UBE2U: variants seen among roughly 807,000 people sequenced by gnomAD.
UBE2U encodes ubiquitin conjugating enzyme E2 U.
In UBE2U, 39 loss-of-function variants were observed where a neutral mutation model predicts 41.2. The observed-to-expected ratio is 0.95, with a 90% CI of 0.73 to 1.24. The LOEUF (loss-of-function observed/expected upper bound fraction) is 1.24. Ranked by LOEUF, UBE2U falls within the 50% of genes most tolerant of loss-of-function variation. UBE2U has a pLI of 0.00. For synonymous variants in UBE2U, 107 were observed against 117.8 expected (o/e 0.91, Z 0.60); for missense variants, 336 against 363.1 (o/e 0.93, Z 0.61).
At chr1:64,250,873 T>G (rs1048468402) in intron 8 of UBE2U, among the ~76,000 whole-genome samples, 1 of 132,536 alleles carries the variant, frequency 7.5e-6, no homozygotes, top group Non-Finnish European at 1.5e-5. Flanking sequence ...TGAGAACACA[T>G]GGACACAGGA....
At chr1:64,253,820 C>T (rs1570135603) in intron 8 of UBE2U, among the ~76,000 whole-genome samples, 1 of 152,180 alleles carries the variant, frequency 6.6e-6, no homozygotes, top group East Asian at 1.9e-4. Flanking sequence ...TACTGAAGTA[C>T]ACAGACCAGT....
At chr1:64,206,994 C>A in intron 3 of UBE2U, 138 bp downstream of exon 3, 1 of 648,514 alleles carries the variant, frequency 1.5e-6, no homozygotes, top group Non-Finnish European at 2.7e-6. Flanking sequence ...TATGAAAAGG[C>A]TGGAAAAAAT....
chr1:64,239,105 G>GAAGAAGA (rs1644743368), intron 7 of UBE2U, among the ~76,000 whole-genome samples: 1 of 12,942 alleles, frequency 7.7e-5, no homozygotes, highest in Non-Finnish European at 1.2e-4. Flanking sequence ...AGAAGAAGAA[G>GAAGAAGA]AAGAAGAAGA....
chr1:64,259,862 T>A (rs1029596830), intron 8 of UBE2U, among the ~76,000 whole-genome samples: 2 of 151,904 alleles, frequency 1.3e-5, no homozygotes, highest in African/African-American at 4.8e-5. Flanking sequence ...GTGTAGTGGG[T>A]TGAATCATGT....
chr1:64,208,656 T>C (rs1255783511), intron 3 of UBE2U, among the ~76,000 whole-genome samples: 2 of 138,692 alleles, frequency 1.4e-5, no homozygotes, highest in Non-Finnish European at 1.5e-5. Context: ...AGATGTTTAT[T>C]CCCAACAGCA....
intron 8 of UBE2U, among the ~76,000 whole-genome samples, chr1:64,253,597 G>T (rs1024648693): frequency 6.6e-6 from 1 of 152,074 alleles, no homozygotes; most frequent in Non-Finnish European, 1.5e-5. Flanking sequence ...GAAGAGATTG[G>T]GGACCAATAT....
At chr1:64,248,978 C>A (rs1366297877) in intron 8 of UBE2U, among the ~76,000 whole-genome samples, 2 of 152,130 alleles carry the variant, frequency 1.3e-5, no homozygotes, top group Non-Finnish European at 2.9e-5. Context: ...TCACAAAAAA[C>A]TGAACTGTGA....
intron 8 of UBE2U, among the ~76,000 whole-genome samples, chr1:64,251,226 T>C (rs1645006280): frequency 6.6e-6 from 1 of 151,192 alleles, no homozygotes; most frequent in Admixed American, 6.6e-5. Context: ...TGTTAGTTTT[T>C]TTGAATGTTA....
At chr1:64,217,852 A>C (rs1366918873) in intron 5 of UBE2U, among the ~76,000 whole-genome samples, 1 of 152,216 alleles carries the variant, frequency 6.6e-6, no homozygotes, top group East Asian at 1.9e-4. Flanking sequence ...TAAAAACCTG[A>C]TAATTCTACA....
chr1:64,259,693 G>A lies in UBE2U; in HGVS notation c.678-910G>A, dbSNP rs1024855129. On this transcript the variant is annotated intron_variant, in intron 8 of 9. Transcript: ENST00000371077. ...TCATTATGTACCCCAAAAAGTAGTC[G>A]TCCCCCAAAAAAATTTTGTAAAATT... is the stretch of plus-strand genomic sequence containing the variant. 1.4e-4 allele frequency among the ~76,000 whole-genome samples: 22 copies of A among 151,858 alleles called. No homozygotes were observed. The East Asian group carries it at 3.3e-3, about 23-fold the overall frequency.
chr1:64,251,613 G>A (rs778744117), intron 8 of UBE2U, among the ~76,000 whole-genome samples: 9 of 152,178 alleles, frequency 5.9e-5, no homozygotes, highest in African/African-American at 9.6e-5. Flanking sequence ...GCAGCATGAC[G>A]CCAACAAAAT....
At chr1:64,261,938 A>G (rs1645185532) in intron 9 of UBE2U, among the ~76,000 whole-genome samples, 1 of 152,186 alleles carries the variant, frequency 6.6e-6, no homozygotes, top group Admixed American at 6.5e-5. Flanking sequence ...ATTTTCCTTC[A>G]GGATAAAATT....
chr1:64,245,876 T>C (rs1644912630), intron 8 of UBE2U, among the ~76,000 whole-genome samples: 1 of 152,138 alleles, frequency 6.6e-6, no homozygotes. Flanking sequence ...TTATCTCTAG[T>C]TTACCAGTGA....
chr1:64,213,512 T>C (rs1330341134), intron 4 of UBE2U, among the ~76,000 whole-genome samples: 1 of 152,218 alleles, frequency 6.6e-6, no homozygotes, highest in Non-Finnish European at 1.5e-5. Flanking sequence ...AGCAGATTTC[T>C]GTTAGAACAC....
intron 6 of UBE2U, among the ~76,000 whole-genome samples, chr1:64,224,099 C>A (rs1409204316): frequency 6.6e-6 from 1 of 152,020 alleles, no homozygotes; most frequent in African/African-American, 2.4e-5. Flanking sequence ...AAATATACAC[C>A]TGTATGCGAG....
At chr1:64,239,157 A>AAGAAGAAAAGAAGAAG in intron 7 of UBE2U, among the ~76,000 whole-genome samples, 9 of 37,070 alleles carry the variant, frequency 2.4e-4, no homozygotes, top group African/African-American at 5.1e-4. Flanking sequence ...GAAGAAGAAG[A>AAGAAGAAAAGAAGAAG]AAGAAGAAGA....
chr1:64,239,119 AG>A (rs1378908441), intron 7 of UBE2U, among the ~76,000 whole-genome samples: 43 of 23,042 alleles, frequency 1.9e-3, no homozygotes, highest in African/African-American at 3.2e-3. Context: ...AAGAAGAAGA[AG>A]AAGAAGAAGA....
At chr1:64,248,212 G>A (rs1410308616) in intron 8 of UBE2U, among the ~76,000 whole-genome samples, 1 of 151,862 alleles carries the variant, frequency 6.6e-6, no homozygotes, top group Non-Finnish European at 1.5e-5. Flanking sequence ...TCCCTCTCCT[G>A]TCCCTCTTTC....
intron 8 of UBE2U, among the ~76,000 whole-genome samples, chr1:64,255,106 G>A (rs1221255182): frequency 6.6e-6 from 1 of 152,036 alleles, no homozygotes; most frequent in African/African-American, 2.4e-5. Flanking sequence ...TGACCCCACA[G>A]AAATACAAAC....
Sources: allele counts gnomAD v4.1 joint callset (sites outside exome capture counted in the v4.1 genomes callset), GRCh38; gene constraint gnomAD v4.1.1; transcripts MANE v1.5; gene names NCBI Gene and HGNC (gene_info 2026-07-23, HGNC 2026-07-21).